The following EPRS1 variants were observed in gnomAD, a reference collection of about 807,000 sequenced individuals.
EPRS1 encodes glutamyl-prolyl-tRNA synthetase 1, also known as bifunctional glutamate/proline--tRNA ligase.
A neutral mutation model predicts 188.3 loss-of-function variants in EPRS1; 107 were observed. The ratio of observed to expected loss-of-function variants is 0.57; its 90% CI spans 0.49 to 0.67. EPRS1 has a LOEUF of 0.67. EPRS1 is among the 30% of genes least tolerant of loss of function. The pLI is 0.00. For synonymous variants in EPRS1, 596 were observed against 593.1 expected (o/e 1.00, Z -0.07); for missense variants, 1,577 against 1,802.2 (o/e 0.88, Z 2.26).
intron 14 of EPRS1, among the ~76,000 whole-genome samples, chr1:220,006,713 A>G (rs890282164): frequency 1.6e-4 from 24 of 152,232 alleles, no homozygotes; most frequent in Admixed American, 1.3e-4. Context: ...TTAAGATTTC[A>G]GAGTTTGCAT....
At position 219,981,378 on chromosome 1, in the gene EPRS1, C is replaced by A; in HGVS notation, c.3453G>T (p.Val1151=). The part of the protein sequence containing the change: ...PIKLNQWCNV[V]RWEFKHPQPF... ...AATACAAGAGGGGGTGAATACCTAC[C>A]ACCACATTGCACCACTGATTGAGCT... Residue 1151 remains valine, a splice_region_variant and synonymous_variant, in exon 24 of 32, where the codon GTG becomes GTT. Transcript: ENST00000366923. 1 of 1,595,578 alleles carries A rather than the reference C, an allele frequency of 6.3e-7. No homozygotes were observed. Among genetic ancestry groups the A allele is most frequent in the Non-Finnish European group, 8.6e-7 (1 of 1,168,888 alleles).
chr1:220,020,862 ATATATATATT>A (rs1486837168), intron 9 of EPRS1, among the ~76,000 whole-genome samples: 1 of 57,084 alleles, frequency 1.8e-5, no homozygotes, highest in African/African-American at 7.9e-5. Context: ...ATATATATAT[ATATATATATT>A]AGTGCATTAT....
In EPRS1 at chr1:220,024,605, T is replaced by C. The variant is rs1188992909; in HGVS notation, c.751-149A>G. 5.3e-6 allele frequency: 3 copies of C among 569,242 alleles called. No homozygotes were observed. In the African/African-American group the frequency reaches 5.7e-5, roughly 11 times the overall value. The allele number at this position is 569,242 out of a possible 1,614,324, so 35.3% of individuals were successfully genotyped here. The stretch of plus-strand genomic sequence containing the variant: ...GTTGTGGAAGTTACATGATATTAGA[T>C]CAAAAAAGAAAAAACAGATAGATAC... On this transcript the variant is annotated intron_variant, in intron 7 of 31. Coordinates refer to ENST00000366923, the MANE Select transcript of EPRS1 (RefSeq NM_004446.3).
Position 220,019,094 on chromosome 1 carries a change from A to G in EPRS1, c.1350-15T>C. 6.4e-7 allele frequency: 1 copy of G among 1,555,364 alleles called. No individual in the cohort carries two copies. Among genetic ancestry groups the G allele is most frequent in the Non-Finnish European group, 8.9e-7 (1 of 1,127,070 alleles). On this transcript the variant is annotated splice_polypyrimidine_tract_variant and intron_variant, in intron 10 of 31. Transcript: ENST00000366923. Reference sequence around the variant, plus strand: ...TTGGGTCATCCCTGGAAATATGTAAATTTTAAGTACCAAGGAAATTTTGTA... The same window carrying G: ...TTGGGTCATCCCTGGAAATATGTAAGTTTTAAGTACCAAGGAAATTTTGTA...
chr1:220,020,261 C>G (rs775968334), intron 9 of EPRS1, 40 bp from the exon 10 acceptor site: 1 of 1,264,800 alleles, frequency 7.9e-7, no homozygotes. Flanking sequence ...ACATTTTACC[C>G]TTTCCCTCTT....
intron 2 of EPRS1, among the ~76,000 whole-genome samples, chr1:220,036,978 T>C (rs894282851): frequency 2.0e-5 from 3 of 147,898 alleles, no homozygotes. Flanking sequence ...AAAACCTCAA[T>C]AGAAAAATGG....
intron 9 of EPRS1, among the ~76,000 whole-genome samples, chr1:220,020,872 T>TATATATA (rs1661865665): frequency 9.2e-6 from 1 of 108,894 alleles, no homozygotes; most frequent in Non-Finnish European, 2.0e-5. Flanking sequence ...ATATATATAT[T>TATATATA]AGTGCATTAT....
At chr1:219,980,373 G>A in intron 25 of EPRS1, 133 bp from the exon 26 acceptor site, 1 of 632,908 alleles carries the variant, frequency 1.6e-6, no homozygotes, top group African/African-American at 1.8e-5. Flanking sequence ...TTTATGAAAA[G>A]GTTAAAGCAG....
intron 17 of EPRS1, among the ~76,000 whole-genome samples, chr1:219,999,705 G>C (rs1661306483): frequency 6.6e-6 from 1 of 152,194 alleles, no homozygotes; most frequent in South Asian, 2.1e-4. Context: ...CAGGTGCAGT[G>C]GATCATGCCT....
Position 220,024,329 on chromosome 1 carries a change from T to C in EPRS1, c.878A>G (p.Asp293Gly). 1 of 1,613,640 alleles carries C rather than the reference T, an allele frequency of 6.2e-7. No individual in the cohort carries two copies. The highest frequency in any genetic ancestry group is 1.1e-5 in the South Asian group (1 of 91,016). The stretch of plus-strand genomic sequence containing the variant: ...TGCTTTCATCTGTTCAGCAGGAGTA[T>C]CATCCACATAAGCCTTCCCTTCTTG... Reference protein sequence around the residue: ...LIQEGKAYVDDTPAEQMKAER... With the variant: ...LIQEGKAYVDGTPAEQMKAER... The change falls in exon 8 of 32, where the codon GAT becomes GGT. Residue 293 changes from aspartate to glycine, a missense_variant. Around this residue, in one of 3 missense-constraint regions of EPRS1, gnomAD observed 1,278 missense variants for 1,457.4 expected, o/e 0.88. Coordinates refer to ENST00000366923, the MANE Select transcript of EPRS1 (RefSeq NM_004446.3).
intron 6 of EPRS1, among the ~76,000 whole-genome samples, chr1:220,027,320 T>C (rs1452494750): frequency 6.6e-6 from 1 of 151,490 alleles, no homozygotes; most frequent in African/African-American, 2.4e-5. Flanking sequence ...CCCAGCTACC[T>C]GGGAGGCTGA....
At chr1:219,989,751 T>G (rs557640718) in intron 18 of EPRS1, among the ~76,000 whole-genome samples, 82 of 152,320 alleles carry the variant, frequency 5.4e-4, no homozygotes, top group Non-Finnish European at 7.5e-4. Flanking sequence ...GTTTTCTGCC[T>G]ATTAGAGTGT....
chr1:220,019,088 AT>A lies in EPRS1; in HGVS notation c.1350-10del. The stretch of plus-strand genomic sequence containing the variant: ...GAAATCTTGGGTCATCCCTGGAAAT[AT>A]GTAAATTTTAAGTACCAAGGAAATT... On this transcript the variant is annotated splice_polypyrimidine_tract_variant and intron_variant, in intron 10 of 31. Coordinates refer to ENST00000366923, the MANE Select transcript of EPRS1 (RefSeq NM_004446.3). The A allele has an allele frequency of 6.3e-7, 1 of 1,593,312 alleles. No individual in the cohort carries two copies. Among genetic ancestry groups the A allele is most frequent in the Non-Finnish European group, 8.6e-7 (1 of 1,161,398 alleles).
chr1:220,001,195 CTT>C lies in EPRS1; in HGVS notation c.2122_2123del (p.Lys708GlyfsTer19), dbSNP rs1269351907. On this transcript the variant is annotated frameshift_variant, in exon 17 of 32. Coordinates refer to ENST00000366923, the MANE Select transcript of EPRS1 (RefSeq NM_004446.3). LOFTEE classifies it high-confidence loss of function. ...CCTTTGACCCTGATGTTGGCATTTC[CTT>C]TGTGTGCCCATCAGGAATGTATATC... ...VLIYIPDGHT[K>X]EMPTSGSKEK... The C allele has an allele frequency of 6.2e-7, 1 of 1,613,900 alleles. No homozygotes were observed. Among genetic ancestry groups the C allele is most frequent in the East Asian group, 2.2e-5 (1 of 44,856 alleles).
intron 12 of EPRS1, among the ~76,000 whole-genome samples, chr1:220,015,812 G>A (rs1488652037): frequency 6.6e-6 from 1 of 150,760 alleles, no homozygotes; most frequent in Non-Finnish European, 1.5e-5. Context: ...AAAAAAAGAA[G>A]ATCCAAGAAT....
chr1:219,995,474 A>G (rs1661213204), intron 18 of EPRS1, among the ~76,000 whole-genome samples: 1 of 152,240 alleles, frequency 6.6e-6, no homozygotes, highest in Non-Finnish European at 1.5e-5. Context: ...TCCAACAGAT[A>G]CAGTGCAAAA....
intron 21 of EPRS1, among the ~76,000 whole-genome samples, chr1:219,983,794 G>C (rs1376880991): frequency 1.3e-5 from 2 of 151,630 alleles, no homozygotes; most frequent in East Asian, 3.9e-4. Context: ...TCGGGAGGCT[G>C]AGGCAGGAGA....
At chr1:220,023,152 C>A (rs1661909711) in intron 8 of EPRS1, among the ~76,000 whole-genome samples, 1 of 151,996 alleles carries the variant, frequency 6.6e-6, no homozygotes, top group South Asian at 2.1e-4. Context: ...AGTTTAATAC[C>A]AGAAAAAAGG....
rs1660881556 is a variant in EPRS1, at chr1:219,980,871, G to A, written c.3454-14C>T. On this transcript the variant is annotated splice_polypyrimidine_tract_variant and intron_variant, in intron 24 of 31. Transcript: ENST00000366923. Reference sequence around the variant, plus strand: ...GAATTCCCAACGCTGGAAGAGGCAAGAAAACAATTTAGTCATTATAAAGAG... The same window carrying A: ...GAATTCCCAACGCTGGAAGAGGCAAAAAAACAATTTAGTCATTATAAAGAG... The A allele has an allele frequency of 2.5e-6, 4 of 1,575,908 alleles. No homozygotes were observed. Among genetic ancestry groups the A allele is most frequent in the South Asian group, 2.2e-5 (2 of 88,980 alleles).
Sources: allele counts gnomAD v4.1 joint callset (sites outside exome capture counted in the v4.1 genomes callset), GRCh38; gene constraint gnomAD v4.1.1; regional missense constraint gnomAD v4.1.1; transcripts MANE v1.5; gene names NCBI Gene and HGNC (gene_info 2026-07-23, HGNC 2026-07-21).